The following SOBP variants were observed in gnomAD, a reference collection of about 807,000 sequenced individuals.
SOBP encodes the protein sine oculis-binding protein homolog.
A neutral mutation model predicts 53.6 loss-of-function variants in SOBP; 4 were observed. That is an observed-to-expected ratio of 0.07 (90% CI 0.04 to 0.17). The LOEUF (loss-of-function observed/expected upper bound fraction) is 0.17, where lower values mean the gene tolerates loss of function less well. Ranked by LOEUF, SOBP falls within the 10% of genes least tolerant of loss-of-function variation. The pLI is 1.00. For missense variants in SOBP, 1,088 were observed against 1,204.7 expected, an observed-to-expected ratio of 0.90 and a Z score of 1.43; for synonymous variants, 584 against 522.6, an observed-to-expected ratio of 1.12 and a Z score of -1.60.
At chr6:107,584,601 AG>A (rs910142930) in intron 4 of SOBP, among the ~76,000 whole-genome samples, 1 of 152,152 alleles carries the variant, frequency 6.6e-6, no homozygotes, top group African/African-American at 2.4e-5. Flanking sequence ...GAGCCATGGA[AG>A]TTTGATGCAG....
At chr6:107,591,689 C>T (rs1785753968) in intron 5 of SOBP, among the ~76,000 whole-genome samples, 1 of 152,202 alleles carries the variant, frequency 6.6e-6, no homozygotes, top group Non-Finnish European at 1.5e-5. Context: ...CAATAACTGA[C>T]ACTATCCTAT....
chr6:107,534,990 C>G (rs1402630538), intron 4 of SOBP, among the ~76,000 whole-genome samples: 1 of 152,146 alleles, frequency 6.6e-6, no homozygotes, highest in African/African-American at 2.4e-5. Flanking sequence ...CCAGTGCTTT[C>G]TTCTTCAAAG....
At chr6:107,508,803 G>C (rs549389653) in intron 3 of SOBP, among the ~76,000 whole-genome samples, 2 of 152,086 alleles carry the variant, frequency 1.3e-5, no homozygotes, top group Non-Finnish European at 2.9e-5. Flanking sequence ...CATATTTTAC[G>C]TAGGCCAAGT....
intron 4 of SOBP, among the ~76,000 whole-genome samples, chr6:107,584,253 T>TA (rs35618286): frequency 0.03 from 3,500 of 117,520 alleles, 112 homozygotes; most frequent in African/African-American, 0.082. Flanking sequence ...ACCAATATGT[T>TA]AAAAAAAAAA....
At chr6:107,580,049 A>G (rs1785354359) in intron 4 of SOBP, among the ~76,000 whole-genome samples, 1 of 152,222 alleles carries the variant, frequency 6.6e-6, no homozygotes. Flanking sequence ...AAACAGCACC[A>G]CTGCAGAAAT....
chr6:107,551,042 A>C (rs1245694546), intron 4 of SOBP, among the ~76,000 whole-genome samples: 3 of 152,204 alleles, frequency 2.0e-5, no homozygotes, highest in African/African-American at 7.2e-5. Flanking sequence ...TGAAGAGTTT[A>C]ATATGTGTCT....
rs112062840 is a variant in SOBP, at chr6:107,611,232, T to C, written c.670-22282T>C. 2.9e-3 allele frequency among the ~76,000 whole-genome samples: 436 copies of C among 152,332 alleles called. 1 individual carries two copies. The highest frequency in any genetic ancestry group is 3.1e-3 in the Non-Finnish European group (213 of 68,038). On this transcript the variant is annotated intron_variant, in intron 5 of 6. Coordinates refer to ENST00000317357, the MANE Select transcript of SOBP (RefSeq NM_018013.4). ...AGGTCTTTGTGGGACTGTTTGAGCC[T>C]GGGGTGTTTATTATCCTTCTGAATG...
chr6:107,579,549 T>C (rs1785339398), intron 4 of SOBP, among the ~76,000 whole-genome samples: 1 of 152,212 alleles, frequency 6.6e-6, no homozygotes. Flanking sequence ...GTGGAAGCTG[T>C]ATTTCAGGCT....
chr6:107,560,563 G>A (rs1192574282), intron 4 of SOBP, among the ~76,000 whole-genome samples: 1 of 152,050 alleles, frequency 6.6e-6, no homozygotes, highest in African/African-American at 2.4e-5. Context: ...ATACACCTAT[G>A]GATACTCACG....
intron 5 of SOBP, among the ~76,000 whole-genome samples, chr6:107,603,437 G>C (rs919536509): frequency 6.6e-6 from 1 of 152,186 alleles, no homozygotes; most frequent in African/African-American, 2.4e-5. Flanking sequence ...GGCCTCCATG[G>C]GGTTGAACTG....
intron 1 of SOBP, among the ~76,000 whole-genome samples, chr6:107,498,395 A>G (rs907810569): frequency 6.6e-6 from 1 of 152,184 alleles, no homozygotes; most frequent in African/African-American, 2.4e-5. Context: ...GTGTTTTAAA[A>G]TCTACTTGTT....
At chr6:107,578,430 T>C (rs957161067) in intron 4 of SOBP, among the ~76,000 whole-genome samples, 2 of 152,202 alleles carry the variant, frequency 1.3e-5, no homozygotes, top group African/African-American at 2.4e-5. Flanking sequence ...CACCAGCACA[T>C]AGGTGGGAGA....
In SOBP at chr6:107,635,030, G is replaced by GCGC; in HGVS notation, c.2195_2197dup (p.Ala732dup). On this transcript the variant is annotated inframe_insertion, in exon 6 of 7. Coordinates refer to ENST00000317357, the MANE Select transcript of SOBP (RefSeq NM_018013.4). This position sits in a 1 kb window ranked among gnomAD's most constrained non-coding sequence, Gnocchi z 4.5. ...AACGTCATCGTGAACGGCACGCGCG[G>GCGC]CGCCGCCGCCGAGGGCGCTAAGAGC... 5.7e-6 allele frequency: 7 copies of GCGC among 1,238,660 alleles called. No homozygotes were observed. Among genetic ancestry groups the GCGC allele is most frequent in the Non-Finnish European group, 6.1e-6 (6 of 990,480 alleles). The allele number at this position is 1,238,660 out of a possible 1,614,324, so 76.7% of individuals were successfully genotyped here.
chr6:107,652,616 G>A (rs1242132974), intron 6 of SOBP, among the ~76,000 whole-genome samples: 1 of 152,208 alleles, frequency 6.6e-6, no homozygotes, highest in African/African-American at 2.4e-5. Context: ...AGTTTTGAAA[G>A]TGTTCTATTG....
intron 4 of SOBP, among the ~76,000 whole-genome samples, chr6:107,548,251 T>C (rs1386247206): frequency 2.7e-5 from 4 of 150,490 alleles, no homozygotes; most frequent in Non-Finnish European, 5.9e-5. Context: ...TTTTCTGTTT[T>C]CTTTTTGTTT....
chr6:107,563,011 G>A (rs913165606), intron 4 of SOBP, among the ~76,000 whole-genome samples: 4 of 152,094 alleles, frequency 2.6e-5, no homozygotes, highest in Non-Finnish European at 5.9e-5. Flanking sequence ...TAATAAAATG[G>A]TAATAGAAAC....
chr6:107,633,718 G>T lies in SOBP; in HGVS notation c.874G>T (p.Val292Leu). ...GGAAAATAAAGCAGAAGGCACCGGG[G>T]TGCAGCTGCTCACTCCAGACTCTTG... ...PMENKAEGTGVQLLTPDSWNI... is the reference protein window; with the variant it reads ...PMENKAEGTGLQLLTPDSWNI... The change falls in exon 6 of 7, where the codon GTG becomes TTG. Residue 292 changes from valine to leucine, a missense_variant. Val to Leu is a conservative substitution (Grantham distance 32). Around this residue, in one of 6 missense-constraint regions of SOBP, gnomAD observed 211 missense variants for 258.9 expected, o/e 0.82. Coordinates refer to ENST00000317357, the MANE Select transcript of SOBP (RefSeq NM_018013.4). The T allele has an allele frequency of 6.2e-7, 1 of 1,614,232 alleles. No individual in the cohort carries two copies. The highest frequency in any genetic ancestry group is 2.2e-5 in the East Asian group (1 of 44,876).
intron 3 of SOBP, among the ~76,000 whole-genome samples, chr6:107,518,778 C>G (rs1783399017): frequency 6.8e-6 from 1 of 147,380 alleles, no homozygotes; most frequent in African/African-American, 2.5e-5. Flanking sequence ...CAAAAAGATC[C>G]TTGTCTCAAA....
In SOBP at chr6:107,634,959, C is replaced by G. The variant is rs1415970104; in HGVS notation, c.2115C>G (p.Asp705Glu). ...ACTGCAGCCCGCCCGCCGCCGGCGACCCAGGCCCGGGCGCCCCGGCGGGCC... is the reference window on the plus strand; with the variant it reads ...ACTGCAGCCCGCCCGCCGCCGGCGAGCCAGGCCCGGGCGCCCCGGCGGGCC... Reference protein sequence around the residue: ...DGHCSPPAAGDPGPGAPAGPE... With the variant: ...DGHCSPPAAGEPGPGAPAGPE... The change falls in exon 6 of 7, where the codon GAC (aspartate) becomes GAG (glutamate). Residue 705 changes from aspartate (D) to glutamate (E), a missense_variant. Coordinates refer to ENST00000317357, the MANE Select transcript of SOBP (RefSeq NM_018013.4). The surrounding 1 kb of genome is among the most constrained non-coding windows in gnomAD (Gnocchi z 4.5). 2 of 1,033,630 alleles carry G rather than the reference C, an allele frequency of 1.9e-6. No homozygotes were observed. Among genetic ancestry groups the G allele is most frequent in the African/African-American group, 3.5e-5 (2 of 57,816 alleles). 64.0% of individuals were successfully genotyped at this position (1,033,630 alleles called of 1,614,324 possible).
Sources: gnomAD v4.1 joint callset for allele counts (sites outside exome capture counted in the v4.1 genomes callset) on GRCh38, gnomAD v4.1.1 for gene constraint, gnomAD v4.1.1 regional missense constraint, Gnocchi (gnomAD v3.1) non-coding constraint, MANE v1.5 for transcripts, NCBI Gene and HGNC (gene_info 2026-07-23, HGNC 2026-07-21) for gene names.